Variants in PTPRQ observed in about 807,000 individuals in gnomAD.
PTPRQ encodes the protein phosphatidylinositol phosphatase PTPRQ.
PTPRQ carries 199 observed loss-of-function variants against 246.0 expected under a neutral mutation model. The observed-to-expected ratio is 0.81, with a 90% CI of 0.72 to 0.91. The LOEUF (loss-of-function observed/expected upper bound fraction) is 0.91, where lower values mean the gene tolerates loss of function less well. Ranked by LOEUF, PTPRQ falls within the 40% of genes least tolerant of loss-of-function variation. The pLI, the probability that PTPRQ is intolerant of heterozygous loss-of-function variation, is 0.00. For synonymous variants in PTPRQ, 869 were observed against 853.2 expected, an observed-to-expected ratio of 1.02 and a Z score of -0.32; for missense variants, 2,624 against 2,528.4, an observed-to-expected ratio of 1.04 and a Z score of -0.81.
At chr12:80,506,810 T>C in intron 16 of PTPRQ, 140 bp downstream of exon 16, 1 of 582,506 alleles carries the variant, frequency 1.7e-6, no homozygotes, top group Admixed American at 4.3e-5. Flanking sequence ...GAGATTTCAT[T>C]GTCATGGTAT....
At chr12:80,667,856 G>A (rs1017488722) in intron 39 of PTPRQ, among the ~76,000 whole-genome samples, 2 of 151,822 alleles carry the variant, frequency 1.3e-5, no homozygotes, top group African/African-American at 4.8e-5. Flanking sequence ...AGGTCTTTCG[G>A]TTGAGACTGG....
intron 14 of PTPRQ, among the ~76,000 whole-genome samples, chr12:80,503,545 A>G (rs1894865754): frequency 6.6e-6 from 1 of 151,766 alleles, no homozygotes; most frequent in African/African-American, 2.4e-5. Flanking sequence ...AGTAATTTTT[A>G]TATGCATTCA....
chr12:80,571,026 C>T (rs1897131725), intron 25 of PTPRQ, among the ~76,000 whole-genome samples: 1 of 152,164 alleles, frequency 6.6e-6, no homozygotes, highest in South Asian at 2.1e-4. Context: ...ATGATGCCTC[C>T]AGCTTTGTTC....
intron 25 of PTPRQ, among the ~76,000 whole-genome samples, chr12:80,581,203 G>A (rs144696897): frequency 2.8e-4 from 42 of 152,090 alleles, no homozygotes; most frequent in African/African-American, 9.6e-4. Context: ...CAAACTCTAG[G>A]GAGAGAAAAT....
intron 31 of PTPRQ, 46 bp from the exon 32 acceptor site, chr12:80,620,107 AT>A (rs1320162687): frequency 6.7e-7 from 1 of 1,496,386 alleles, no homozygotes; most frequent in Non-Finnish European, 8.9e-7. Flanking sequence ...GTAAAAATAT[AT>A]TCATATGTTA....
At chr12:80,553,800 T>C (rs1896558102) in intron 25 of PTPRQ, among the ~76,000 whole-genome samples, 1 of 152,204 alleles carries the variant, frequency 6.6e-6, no homozygotes, top group African/African-American at 2.4e-5. Context: ...ATATATCATA[T>C]AAACCAATAC....
intron 9 of PTPRQ, 132 bp downstream of exon 9, chr12:80,484,737 G>T: frequency 4.6e-6 from 5 of 1,079,796 alleles, no homozygotes; most frequent in South Asian, 1.8e-5. Context: ...GTAAATTTGG[G>T]GCATGTTGAT....
At chr12:80,445,740 C>T (rs1592508152) in intron 3 of PTPRQ, 23 bp downstream of exon 3, 1 of 1,397,120 alleles carries the variant, frequency 7.2e-7, no homozygotes, top group African/African-American at 1.4e-5. Flanking sequence ...TGTATGACTA[C>T]TTAGTGTTCA....
chr12:80,589,221 TA>T (rs900004073), intron 26 of PTPRQ, among the ~76,000 whole-genome samples: 1 of 152,192 alleles, frequency 6.6e-6, no homozygotes, highest in Admixed American at 6.5e-5. Flanking sequence ...TCTGTTTACA[TA>T]GAATTGTGAT....
At chr12:80,610,925 C>T (rs1898526932) in intron 28 of PTPRQ, among the ~76,000 whole-genome samples, 1 of 150,210 alleles carries the variant, frequency 6.7e-6, no homozygotes, top group African/African-American at 2.4e-5. Context: ...GTAAGCTTGC[C>T]TAAGAGATAA....
At chr12:80,448,463 T>G (rs10047565) in intron 3 of PTPRQ, among the ~76,000 whole-genome samples, 1 of 151,660 alleles carries the variant, frequency 6.6e-6, no homozygotes, top group Non-Finnish European at 1.5e-5. Flanking sequence ...CATGCTGGTG[T>G]GCTGCACCCA....
intron 4 of PTPRQ, among the ~76,000 whole-genome samples, chr12:80,458,534 A>G (rs1262297339): frequency 6.8e-6 from 1 of 147,816 alleles, no homozygotes; most frequent in African/African-American, 2.6e-5. Flanking sequence ...CTTTACTATC[A>G]CTTATTTTTT....
rs1896097266 is a variant in PTPRQ, at chr12:80,539,818, A to G, written c.3028A>G (p.Thr1010Ala). 1 of 1,547,898 alleles carries G rather than the reference A, an allele frequency of 6.5e-7. No individual in the cohort carries two copies. Among genetic ancestry groups the G allele is most frequent in the African/African-American group, 1.4e-5 (1 of 72,928 alleles). The change falls in exon 20 of 45, where the codon ACT becomes GCT. Residue 1010 changes from threonine (T) to alanine (A), a missense_variant. Physicochemically the swap from Thr to Ala is moderately conservative, Grantham distance 58. Coordinates refer to ENST00000644991, the MANE Select transcript of PTPRQ (RefSeq NM_001145026.2). The stretch of plus-strand genomic sequence containing the variant: ...AGTAACCAATGACTTTGACAATATG[A>G]CTGTATCCACAATTATAGATAAACT... ...HEVTNDFDNMTVSTIIDKLTI... is the reference protein window; with the variant it reads ...HEVTNDFDNMAVSTIIDKLTI...
intron 14 of PTPRQ, among the ~76,000 whole-genome samples, chr12:80,504,751 C>A (rs904961448): frequency 1.3e-5 from 2 of 151,866 alleles, no homozygotes; most frequent in Admixed American, 6.6e-5. Flanking sequence ...CTTCAGGGTA[C>A]ATATAGATAT....
At chr12:80,616,316 A>T (rs1246174757) in intron 30 of PTPRQ, 50 bp downstream of exon 30, 2 of 1,424,880 alleles carry the variant, frequency 1.4e-6, no homozygotes, top group Admixed American at 5.6e-5. Flanking sequence ...CAGTGATTAT[A>T]ATTTAAATTC....
At chr12:80,616,142 T>TAC (rs956055760) in intron 29 of PTPRQ, 58 bp from the exon 30 acceptor site, 173 of 1,225,134 alleles carry the variant, frequency 1.4e-4, no homozygotes, top group Non-Finnish European at 1.6e-4. Flanking sequence ...TATATATATA[T>TAC]ACACACACAT....
At chr12:80,543,064 G>A (rs916351577) in intron 23 of PTPRQ, among the ~76,000 whole-genome samples, 183 bp downstream of exon 23, 1 of 152,000 alleles carries the variant, frequency 6.6e-6, no homozygotes, top group African/African-American at 2.4e-5. Flanking sequence ...AGATATATAA[G>A]CTGAATACTT....
At chr12:80,606,078 A>G (rs1263998676) in intron 27 of PTPRQ, among the ~76,000 whole-genome samples, 5 of 151,176 alleles carry the variant, frequency 3.3e-5, no homozygotes, top group Admixed American at 2.6e-4. Flanking sequence ...ATAATTAAGG[A>G]TGATTGTAAG....
intron 17 of PTPRQ, among the ~76,000 whole-genome samples, chr12:80,519,425 C>T (rs1895403072): frequency 1.3e-5 from 2 of 152,136 alleles, no homozygotes; most frequent in African/African-American, 4.8e-5. Context: ...ATCTCACAAT[C>T]TAAAAATTTG....
Sources: allele counts gnomAD v4.1 joint callset (sites outside exome capture counted in the v4.1 genomes callset), GRCh38; gene constraint gnomAD v4.1.1; transcripts MANE v1.5; gene names NCBI Gene and HGNC (gene_info 2026-07-23, HGNC 2026-07-21).